The following NPAT variants were observed in gnomAD, a reference collection of about 807,000 sequenced individuals.
NPAT encodes protein NPAT.
NPAT carries 52 observed loss-of-function variants against 130.7 expected under a neutral mutation model. That is an observed-to-expected ratio of 0.40 (90% CI 0.32 to 0.50). The LOEUF is 0.50. NPAT is among the 20% of genes least tolerant of loss of function. The pLI is 0.68. For missense variants in NPAT, 1,687 were observed against 1,662.6 expected, an observed-to-expected ratio of 1.01 and a Z score of -0.26; for synonymous variants, 580 against 584.8, an observed-to-expected ratio of 0.99 and a Z score of 0.12.
At position 108,161,402 on chromosome 11, in the gene NPAT, C is replaced by T. The variant is rs1400098384; in HGVS notation, c.3684G>A (p.Lys1228=). Reference sequence around the variant, plus strand: ...ATTTAGTTTGTTCTTGTTTTAGATCCTTCACAGCTGTACCTACTGAAAGTA... The same window carrying T: ...ATTTAGTTTGTTCTTGTTTTAGATCTTTCACAGCTGTACCTACTGAAAGTA... ...KNVLSVGTAV[K]DLKQEQTKSA... The change falls in exon 17 of 18, where the codon AAG becomes AAA. Residue 1228 remains lysine (K), a synonymous_variant. Transcript: ENST00000278612. 1 of 1,614,022 alleles carries T rather than the reference C, an allele frequency of 6.2e-7. No homozygotes were observed. The highest frequency in any genetic ancestry group is 8.5e-7 in the Non-Finnish European group (1 of 1,180,028).
In NPAT at chr11:108,169,936, G is replaced by C. The variant is rs1343895241; in HGVS notation, c.2893C>G (p.Pro965Ala). The C allele has an allele frequency of 1.9e-6, 3 of 1,613,034 alleles. No individual in the cohort carries two copies. The highest frequency in any genetic ancestry group is 2.5e-6 in the Non-Finnish European group (3 of 1,179,058). ...CAGTTCATAAATCTTACCTGCCGAGGAGGAGTAGAAAAGTTATTTCCATTC... is the reference window on the plus strand; with the variant it reads ...CAGTTCATAAATCTTACCTGCCGAGCAGGAGTAGAAAAGTTATTTCCATTC... ...GQNGNNFSTP[P>A]RQVLHMPLTA... Residue 965 changes from proline (P) to alanine (A), a missense_variant, in exon 14 of 18, where the codon CCT becomes GCT. This residue lies in a region of NPAT where 1,379 missense variants were observed against 1,346.6 expected (regional missense o/e 1.02). Coordinates refer to ENST00000278612, the MANE Select transcript of NPAT (RefSeq NM_002519.3).
rs2070661 is a variant in NPAT, at chr11:108,173,261, C to T, written c.1723G>A (p.Val575Ile). The part of the protein sequence containing the change: ...HGSKSSDSSE[V>I]HKSKIEINVL... ...TTAATTTCTATTTTACTCTTGTGAA[C>T]TTCACTAGAATCTGATGACTTGGAA... Residue 575 changes from valine (V) to isoleucine (I), a missense_variant, in exon 13 of 18, where the codon GTT (valine) becomes ATT (isoleucine). This residue lies in a region of NPAT where 1,379 missense variants were observed against 1,346.6 expected (regional missense o/e 1.02). Transcript: ENST00000278612. 0.58 allele frequency: 937,768 copies of T among 1,610,154 alleles called. 274,781 individuals carry two copies. The highest frequency in any genetic ancestry group is 0.75 in the Middle Eastern group (4,513 of 6,054).
intron 1 of NPAT, among the ~76,000 whole-genome samples, chr11:108,198,535 C>T (rs929679389): frequency 2.0e-5 from 3 of 152,102 alleles, no homozygotes; most frequent in South Asian, 2.1e-4. Flanking sequence ...CGGTGAAACC[C>T]GACAACTTTC....
chr11:108,160,793 A>G, intron 17 of NPAT, 87 bp downstream of exon 17: 2 of 1,194,902 alleles, frequency 1.7e-6, no homozygotes, highest in South Asian at 2.6e-5. Flanking sequence ...CGTTCAGTCA[A>G]GTTGTTGTGG....
chr11:108,190,530 CA>C, intron 4 of NPAT, 30 bp from the exon 5 acceptor site: 3 of 1,607,406 alleles, frequency 1.9e-6, no homozygotes, highest in Non-Finnish European at 2.6e-6. Flanking sequence ...AGTTATCCAT[CA>C]AAAAATGTTT....
At position 108,220,596 on chromosome 11, in the gene NPAT, G is replaced by A. The variant is rs78445877; in HGVS notation, c.37+1904C>T. On this transcript the variant is annotated intron_variant, in intron 1 of 17. Coordinates refer to ENST00000278612, the MANE Select transcript of NPAT (RefSeq NM_002519.3). ...AATAACAAGAGGAGCTGAAGATGGC[G>A]AGGGGGTACTGATAGGAAAAGAATC... 3.1e-3 allele frequency among the ~76,000 whole-genome samples: 478 copies of A among 152,262 alleles called. 1 individual carries two copies. Among genetic ancestry groups the A allele is most frequent in the African/African-American group, 0.011 (459 of 41,552 alleles).
At chr11:108,213,004 G>T (rs1306263171) in intron 1 of NPAT, among the ~76,000 whole-genome samples, 1 of 146,182 alleles carries the variant, frequency 6.8e-6, no homozygotes, top group Non-Finnish European at 1.5e-5. Flanking sequence ...GCGGGGCATG[G>T]TGGCTCATGC....
At chr11:108,164,550 A>G (rs976342983) in intron 15 of NPAT, among the ~76,000 whole-genome samples, 3 of 152,242 alleles carry the variant, frequency 2.0e-5, no homozygotes, top group Non-Finnish European at 4.4e-5. Context: ...GGATTCAAGT[A>G]AGAAAAGCTA....
At chr11:108,170,693 C>T (rs1450338545) in intron 13 of NPAT, among the ~76,000 whole-genome samples, 1 of 152,190 alleles carries the variant, frequency 6.6e-6, no homozygotes, top group Non-Finnish European at 1.5e-5. Context: ...TTTCATGCAA[C>T]CTACTACGGT....
chr11:108,186,379 GTTTC>G, intron 8 of NPAT, 99 bp downstream of exon 8: 1 of 852,352 alleles, frequency 1.2e-6, no homozygotes, highest in Admixed American at 2.0e-5. Context: ...ACTTACTCCT[GTTTC>G]TTTATTTGAT....
intron 1 of NPAT, among the ~76,000 whole-genome samples, chr11:108,219,961 TGAATA>T (rs989305558): frequency 1.3e-5 from 2 of 152,204 alleles, no homozygotes; most frequent in African/African-American, 4.8e-5. Flanking sequence ...ACCTGAACCT[TGAATA>T]GAAGTGTACT....
chr11:108,222,600 A>T lies in NPAT; in HGVS notation c.-64T>A, dbSNP rs1293032339. On this transcript the variant is annotated 5_prime_UTR_variant, in exon 1 of 18. Transcript: ENST00000278612. ...CTCAGGTTAAAGCAAACACAGCGAC[A>T]GCTCCTGCGCCGCATCTCCTGGTTC... 2.5e-6 allele frequency: 4 copies of T among 1,575,078 alleles called. No individual in the cohort carries two copies. Among genetic ancestry groups the T allele is most frequent in the South Asian group, 2.2e-5 (2 of 89,218 alleles).
chr11:108,172,171 C>G, intron 13 of NPAT, 28 bp downstream of exon 13: 1 of 1,601,178 alleles, frequency 6.2e-7, no homozygotes, highest in Non-Finnish European at 8.6e-7. Context: ...CCCAGAGAAA[C>G]AAATTTCAAT....
intron 15 of NPAT, among the ~76,000 whole-genome samples, chr11:108,167,139 C>G (rs2077908949): frequency 6.6e-6 from 1 of 152,160 alleles, no homozygotes; most frequent in South Asian, 2.1e-4. Flanking sequence ...TCTATTAACT[C>G]CCTGTGGCTT....
At position 108,158,695 on chromosome 11, in the gene NPAT, TAC is replaced by T. The variant is rs2077817790; in HGVS notation, c.*245_*246del. ...TTACAATATGGAATTGTCAAAGCTA[TAC>T]AGTTTTGCAGATTGGCTTTACTTAC... On this transcript the variant is annotated 3_prime_UTR_variant, in exon 18 of 18. Coordinates refer to ENST00000278612, the MANE Select transcript of NPAT (RefSeq NM_002519.3). 1 of 423,974 alleles carries T rather than the reference TAC, an allele frequency of 2.4e-6. No homozygotes were observed. Among genetic ancestry groups the T allele is most frequent in the African/African-American group, 2.0e-5 (1 of 49,382 alleles). The allele number at this position is 423,974 out of a possible 1,614,324, so 26.3% of individuals were successfully genotyped here. A position where few individuals can be genotyped will look rare whatever the true frequency, so the allele number is the denominator to read the frequency against.
chr11:108,192,651 G>A (rs1441003853), intron 3 of NPAT, among the ~76,000 whole-genome samples: 2 of 152,046 alleles, frequency 1.3e-5, no homozygotes, highest in Non-Finnish European at 2.9e-5. Flanking sequence ...CTCTCACTGG[G>A]TTATTCTAAA....
chr11:108,210,986 C>T (rs1171395292), intron 1 of NPAT, among the ~76,000 whole-genome samples: 3 of 152,156 alleles, frequency 2.0e-5, no homozygotes, highest in Middle Eastern at 3.4e-3. Flanking sequence ...TTTGGGAGGC[C>T]GAGGTGGGTG....
chr11:108,212,628 A>T (rs143396886), intron 1 of NPAT, among the ~76,000 whole-genome samples: 1,903 of 151,946 alleles, frequency 0.013, 24 homozygotes, highest in Non-Finnish European at 0.017. Context: ...GAAGCCATAA[A>T]AAACAACAAC....
At chr11:108,196,241 G>A (rs1395318212) in intron 2 of NPAT, among the ~76,000 whole-genome samples, 1 of 152,222 alleles carries the variant, frequency 6.6e-6, no homozygotes, top group Non-Finnish European at 1.5e-5. Flanking sequence ...GCAATGAATT[G>A]TCTTTAATCC....
Sources: gnomAD v4.1 joint callset for allele counts (sites outside exome capture counted in the v4.1 genomes callset) on GRCh38, gnomAD v4.1.1 for gene constraint, gnomAD v4.1.1 regional missense constraint, MANE v1.5 for transcripts, NCBI Gene and HGNC (gene_info 2026-07-23, HGNC 2026-07-21) for gene names.